MED12L: variants seen among roughly 807,000 people sequenced by gnomAD.
MED12L encodes the protein mediator complex subunit 12L.
MED12L carries 60 observed loss-of-function variants against 281.3 expected under a neutral mutation model. The observed-to-expected ratio is 0.21, with a 90% CI of 0.17 to 0.26. The LOEUF (loss-of-function observed/expected upper bound fraction) is 0.26, where lower values mean the gene tolerates loss of function less well. MED12L is among the 10% of genes least tolerant of loss of function. The pLI, the probability that MED12L is intolerant of heterozygous loss-of-function variation, is 1.00. For synonymous variants in MED12L, 974 were observed against 987.2 expected (o/e 0.99, Z 0.25); for missense variants, 2,146 against 2,680.9 (o/e 0.80, Z 4.41).
chr3:151,121,308 T>TA (rs1170227151), intron 3 of MED12L, among the ~76,000 whole-genome samples: 2 of 152,048 alleles, frequency 1.3e-5, no homozygotes, highest in African/African-American at 4.8e-5. Context: ...GTTGTTTGTA[T>TA]AAAAAAAAGA....
At chr3:151,113,528 G>C (rs370473610) in intron 2 of MED12L, among the ~76,000 whole-genome samples, 2 of 152,206 alleles carry the variant, frequency 1.3e-5, no homozygotes, top group Non-Finnish European at 2.9e-5. Context: ...GCCTTCAGGG[G>C]GCAAGGGGAG....
intron 5 of MED12L, among the ~76,000 whole-genome samples, chr3:151,149,034 A>G (rs1718115672): frequency 6.6e-6 from 1 of 152,108 alleles, no homozygotes; most frequent in Non-Finnish European, 1.5e-5. Context: ...TACAAAAGAA[A>G]TAAGTTTGTT....
At chr3:151,292,137 A>G (rs75324209) in intron 16 of MED12L, among the ~76,000 whole-genome samples, 1 of 152,318 alleles carries the variant, frequency 6.6e-6, no homozygotes, top group African/African-American at 2.4e-5. Flanking sequence ...TGATGCTGTT[A>G]AAGAGGTCAT....
chr3:151,309,377 ATTTCT>A (rs1190232285), intron 16 of MED12L, among the ~76,000 whole-genome samples: 3 of 151,970 alleles, frequency 2.0e-5, no homozygotes, highest in African/African-American at 2.4e-5. Flanking sequence ...TGCTATTCAC[ATTTCT>A]TTTCTTGATG....
At chr3:151,246,302 C>T (rs1449688886) in intron 16 of MED12L, among the ~76,000 whole-genome samples, 20 of 152,028 alleles carry the variant, frequency 1.3e-4, no homozygotes, top group African/African-American at 2.9e-4. Flanking sequence ...AAAAAGAGCC[C>T]GTATCGCCAA....
chr3:151,388,941 C>T (rs1160647054), intron 37 of MED12L, among the ~76,000 whole-genome samples: 4 of 152,186 alleles, frequency 2.6e-5, no homozygotes, highest in African/African-American at 9.7e-5. Context: ...AGCATTCTTG[C>T]TGCACAGTGG....
chr3:151,172,460 T>G (rs1721555057), intron 11 of MED12L, among the ~76,000 whole-genome samples: 1 of 152,354 alleles, frequency 6.6e-6, no homozygotes, highest in East Asian at 1.9e-4. Context: ...CCCTTGGGGC[T>G]ACTGTGGGCA....
Position 151,287,029 on chromosome 3 carries a change from T to G in MED12L, c.2251-63030T>G, listed in dbSNP as rs558091155. Among the ~76,000 whole-genome samples, 294 of 152,288 alleles carry G rather than the reference T, an allele frequency of 1.9e-3. 1 individual carries two copies. Among genetic ancestry groups the G allele is most frequent in the African/African-American group, 6.8e-3 (284 of 41,548 alleles). On this transcript the variant is annotated intron_variant, in intron 16 of 44. Transcript: ENST00000687756. The stretch of plus-strand genomic sequence containing the variant: ...TCTAATTAGGGGCAATGCTAGTACT[T>G]CCTTATGGGTTTGTTTTGGGGATTA...
rs67391329 is a variant in MED12L at position 151,307,533 on chromosome 3, CTGTGTGTGTGTGTGTGTGTGTGTGTG to C, written c.2251-42498_2251-42473del. 5.7e-4 allele frequency among the ~76,000 whole-genome samples: 78 copies of C among 137,800 alleles called. 1 individual carries two copies. Among genetic ancestry groups the C allele is most frequent in the Admixed American group, 2.9e-3 (40 of 13,908 alleles). The allele number at this position is 137,800 out of a possible 152,430, so 90.4% of individuals were successfully genotyped here. The stretch of plus-strand genomic sequence containing the variant: ...TTTAGGTGACCTCAGGTAACTTGCT[CTGTGTGTGTGTGTGTGTGTGTGTGTG>C]TGTGTGTGTGTGTGTGTGTGTGTGT... On this transcript the variant is annotated intron_variant, in intron 16 of 44. Transcript: ENST00000687756.
chr3:151,112,856 A>G (rs377227131), intron 2 of MED12L, among the ~76,000 whole-genome samples: 131 of 152,316 alleles, frequency 8.6e-4, no homozygotes, highest in African/African-American at 2.9e-3. Context: ...GAATATGCTC[A>G]TGTTAATTGT....
chr3:151,286,349 A>G (rs1743506250), intron 16 of MED12L, among the ~76,000 whole-genome samples: 1 of 152,244 alleles, frequency 6.6e-6, no homozygotes, highest in African/African-American at 2.4e-5. Context: ...TGGAGTAGAG[A>G]AAAAATATAA....
At chr3:151,430,876 A>G (rs1429342351) in intron 44 of MED12L, among the ~76,000 whole-genome samples, 1 of 150,414 alleles carries the variant, frequency 6.6e-6, no homozygotes, top group Non-Finnish European at 1.5e-5. Flanking sequence ...AACATCATAC[A>G]CAGCATGATC....
At chr3:151,128,208 A>AT (rs1406920113) in intron 5 of MED12L, among the ~76,000 whole-genome samples, 2 of 152,264 alleles carry the variant, frequency 1.3e-5, no homozygotes, top group African/African-American at 4.8e-5. Context: ...TATATCCTGA[A>AT]TCTGAACACT....
At chr3:151,202,270 A>C (rs1245729637) in intron 16 of MED12L, among the ~76,000 whole-genome samples, 2 of 152,258 alleles carry the variant, frequency 1.3e-5, no homozygotes, top group African/African-American at 4.8e-5. Context: ...ATTTTACCAG[A>C]CAGTTACTTA....
intron 16 of MED12L, among the ~76,000 whole-genome samples, chr3:151,280,898 A>C (rs188604809): frequency 1.1e-3 from 166 of 152,012 alleles, no homozygotes; most frequent in African/African-American, 3.8e-3. Context: ...CAGAAAATTT[A>C]ACAGTTGTCT....
At chr3:151,288,907 CAA>C (rs1743900845) in intron 16 of MED12L, among the ~76,000 whole-genome samples, 1 of 152,186 alleles carries the variant, frequency 6.6e-6, no homozygotes, top group East Asian at 1.9e-4. Context: ...TCACTTCTTT[CAA>C]AGTCTGTTGG....
intron 16 of MED12L, chr3:151,328,475 C>A (rs188633801): frequency 6.2e-7 from 1 of 1,614,012 alleles, no homozygotes; most frequent in African/African-American, 1.3e-5. Flanking sequence ...TAAGGAAGCA[C>A]ACTTTTTCAC....
intron 36 of MED12L, 135 bp from the exon 37 acceptor site, chr3:151,387,675 C>T (rs1309784976): frequency 1.0e-6 from 1 of 991,478 alleles, no homozygotes; most frequent in African/African-American, 1.6e-5. Flanking sequence ...CTGTGTAACC[C>T]TCTCTGCTGT....
At chr3:151,147,463 A>G (rs978693156) in intron 5 of MED12L, among the ~76,000 whole-genome samples, 6 of 152,224 alleles carry the variant, frequency 3.9e-5, no homozygotes, top group African/African-American at 1.4e-4. Context: ...TATTAACCAC[A>G]TTTTAGAACA....
Sources: allele counts gnomAD v4.1 joint callset (sites outside exome capture counted in the v4.1 genomes callset), GRCh38; gene constraint gnomAD v4.1.1; transcripts MANE v1.5; gene names NCBI Gene and HGNC (gene_info 2026-07-23, HGNC 2026-07-21).